Variants in PRDM16 observed in about 807,000 individuals in gnomAD.
The protein encoded by PRDM16 is histone-lysine N-methyltransferase PRDM16.
A neutral mutation model predicts 110.6 loss-of-function variants in PRDM16; 23 were observed. The observed-to-expected ratio is 0.21, with a 90% CI of 0.15 to 0.29. PRDM16 has a LOEUF of 0.29. Ranked by LOEUF, PRDM16 falls within the 10% of genes least tolerant of loss-of-function variation. The pLI is 1.00. For missense variants in PRDM16, 1,615 were observed against 1,794.3 expected, an observed-to-expected ratio of 0.90 and a Z score of 1.81; for synonymous variants, 799 against 781.8, an observed-to-expected ratio of 1.02 and a Z score of -0.37.
chr1:3,226,128 G>A (rs995216089), intron 2 of PRDM16, among the ~76,000 whole-genome samples: 2 of 152,246 alleles, frequency 1.3e-5, no homozygotes, highest in African/African-American at 2.4e-5. Context: ...AGCAGGTAAG[G>A]CTGGGAGCAG....
rs538715043 is a variant in PRDM16, at chr1:3,358,154, C to T, written c.439-26998C>T. On this transcript the variant is annotated intron_variant, in intron 3 of 16. Coordinates refer to ENST00000270722, the MANE Select transcript of PRDM16 (RefSeq NM_022114.4). The surrounding 1 kb of genome is among the most constrained non-coding windows in gnomAD (Gnocchi z 4.0). ...GCCATGACCCCCTTGCCCAGGGCAA[C>T]GTGGACCACACAGACACGGTGCAAT... 2.0e-5 allele frequency among the ~76,000 whole-genome samples: 3 copies of T among 152,340 alleles called. No homozygotes were observed. Among genetic ancestry groups the T allele is most frequent in the South Asian group, 2.1e-4 (1 of 4,822 alleles).
At chr1:3,431,862 C>T in intron 15 of PRDM16, 104 bp from the exon 16 acceptor site, 9 of 1,133,598 alleles carry the variant, frequency 7.9e-6, no homozygotes, top group Non-Finnish European at 1.2e-5. Flanking sequence ...GGCAGAGATG[C>T]AGCGGCGTGC....
intron 3 of PRDM16, among the ~76,000 whole-genome samples, chr1:3,281,631 G>A (rs1036330818): frequency 1.3e-5 from 2 of 152,212 alleles, no homozygotes; most frequent in Non-Finnish European, 2.9e-5. Context: ...GCTATGATCA[G>A]ACTGATGTTC....
chr1:3,147,785 G>T (rs1255627955), intron 1 of PRDM16, among the ~76,000 whole-genome samples: 1 of 152,170 alleles, frequency 6.6e-6, no homozygotes, highest in Non-Finnish European at 1.5e-5. Context: ...CTGTAAGCCT[G>T]GGGCTTGGGC....
intron 2 of PRDM16, among the ~76,000 whole-genome samples, chr1:3,193,060 C>A (rs549681840): frequency 6.6e-6 from 1 of 151,994 alleles, no homozygotes; most frequent in East Asian, 1.9e-4. Context: ...GCAGACACAG[C>A]GGCCAGATGG....
intron 2 of PRDM16, among the ~76,000 whole-genome samples, chr1:3,233,052 T>G (rs941654708): frequency 2.0e-5 from 3 of 152,218 alleles, no homozygotes; most frequent in African/African-American, 7.2e-5. Context: ...AGATAAAAGA[T>G]AAATGTTTGT....
chr1:3,344,311 C>CT (rs1272280903), intron 3 of PRDM16, among the ~76,000 whole-genome samples: 3 of 151,650 alleles, frequency 2.0e-5, no homozygotes, highest in Non-Finnish European at 2.9e-5. Context: ...AAGATCCCAT[C>CT]TAAAAAAAAA....
In PRDM16 at chr1:3,430,877, A is replaced by G. The variant is rs777907752; in HGVS notation, c.3290A>G (p.Asp1097Gly). The change falls in exon 15 of 17, where the codon GAC becomes GGC. Residue 1097 changes from aspartate (D) to glycine (G), a missense_variant. This residue lies in a region of PRDM16 where 327 missense variants were observed against 359.3 expected (regional missense o/e 0.91). Coordinates refer to ENST00000270722, the MANE Select transcript of PRDM16 (RefSeq NM_022114.4). ...CTCCTCCTGCATCATTTCAGGGCGG[A>G]CATGCAGATCGTGGACGGCAGTGCC... is the stretch of plus-strand genomic sequence containing the variant. ...QASTRTEKRA[D>G]MQIVDGSAQC... The G allele has an allele frequency of 9.3e-6, 15 of 1,613,948 alleles. No homozygotes were observed. In the East Asian group the frequency reaches 3.3e-4, roughly 36 times the overall value.
chr1:3,130,272 C>T (rs1416018945), intron 1 of PRDM16, among the ~76,000 whole-genome samples: 1 of 152,202 alleles, frequency 6.6e-6, no homozygotes, highest in African/African-American at 2.4e-5. Flanking sequence ...GCGATGTGGA[C>T]CGTGGGGTTC....
chr1:3,226,322 G>A (rs1639288196), intron 2 of PRDM16, among the ~76,000 whole-genome samples: 1 of 152,216 alleles, frequency 6.6e-6, no homozygotes, highest in African/African-American at 2.4e-5. Context: ...GGGTCATTCA[G>A]ACAGGACCTG....
chr1:3,079,338 C>G (rs1338906980), intron 1 of PRDM16, among the ~76,000 whole-genome samples: 1 of 152,052 alleles, frequency 6.6e-6, no homozygotes, highest in Non-Finnish European at 1.5e-5. Context: ...TGGCCCAGCC[C>G]CTGTGTGTGC....
At position 3,247,202 on chromosome 1, in the gene PRDM16, C is replaced by T. The variant is rs144112271; in HGVS notation, c.438+3065C>T. Reference sequence around the variant, plus strand: ...ACTCCTGTGTCTGGCTTCAGTTCATCCACCTCTGGGAGGATTACACTTCCT... The same window carrying T: ...ACTCCTGTGTCTGGCTTCAGTTCATTCACCTCTGGGAGGATTACACTTCCT... On this transcript the variant is annotated intron_variant, in intron 3 of 16. Transcript: ENST00000270722. 3.2e-4 allele frequency among the ~76,000 whole-genome samples: 48 copies of T among 152,280 alleles called. No individual in the cohort carries two copies. The East Asian group carries it at 9.3e-3, about 29-fold the overall frequency.
Position 3,438,467 on chromosome 1 carries a change from C to T in PRDM16, c.*4656C>T, listed in dbSNP as rs1175851359. 4.8e-6 allele frequency: 1 copy of T among 206,420 alleles called. No homozygotes were observed. Among genetic ancestry groups the T allele is most frequent in the East Asian group, 7.4e-5 (1 of 13,582 alleles). 12.8% of individuals were successfully genotyped at this position (206,420 alleles called of 1,614,324 possible). On this transcript the variant is annotated 3_prime_UTR_variant, in exon 17 of 17. Transcript: ENST00000270722. ...GATGCTTGTGATGAACACAAATGTA[C>T]TTGTGTAGAGACATTTCCTTAAGAG...
At chr1:3,321,994 G>A (rs1049226207) in intron 3 of PRDM16, among the ~76,000 whole-genome samples, 20 of 151,228 alleles carry the variant, frequency 1.3e-4, no homozygotes, top group African/African-American at 4.4e-4. Flanking sequence ...GTGCATGTGT[G>A]TGTGAGTGCG....
intron 4 of PRDM16, among the ~76,000 whole-genome samples, chr1:3,395,884 G>T (rs1204104804): frequency 6.6e-6 from 1 of 152,174 alleles, no homozygotes; most frequent in Non-Finnish European, 1.5e-5. Flanking sequence ...AGTTCTCAAG[G>T]GTGTCCTCCA....
chr1:3,115,838 C>A (rs944264979), intron 1 of PRDM16, among the ~76,000 whole-genome samples: 9 of 152,214 alleles, frequency 5.9e-5, no homozygotes, highest in African/African-American at 2.2e-4. Flanking sequence ...TCTGTTCTAC[C>A]TGGCTCTGCC....
intron 3 of PRDM16, among the ~76,000 whole-genome samples, 198 bp from the exon 4 acceptor site, chr1:3,384,944 GCTCCTGGAGA>G (rs919219161): frequency 1.3e-5 from 2 of 152,184 alleles, no homozygotes; most frequent in African/African-American, 2.4e-5. Context: ...TTTCTGCTGG[GCTCCTGGAGA>G]CTCCTGGAGA....
chr1:3,073,226 C>T (rs963458310), intron 1 of PRDM16, among the ~76,000 whole-genome samples: 14 of 152,342 alleles, frequency 9.2e-5, no homozygotes, highest in African/African-American at 1.9e-4. Flanking sequence ...CTCCCCCCAC[C>T]GGGCCCCTCA....
chr1:3,158,551 C>T (rs1426815203), intron 1 of PRDM16, among the ~76,000 whole-genome samples: 3 of 152,054 alleles, frequency 2.0e-5, no homozygotes, highest in Non-Finnish European at 4.4e-5. Context: ...GTTCTCATGG[C>T]GAGAAGGCAC....
Sources: gnomAD v4.1 joint callset for allele counts (sites outside exome capture counted in the v4.1 genomes callset) on GRCh38, gnomAD v4.1.1 for gene constraint, gnomAD v4.1.1 regional missense constraint, Gnocchi (gnomAD v3.1) non-coding constraint, MANE v1.5 for transcripts, NCBI Gene and HGNC (gene_info 2026-07-23, HGNC 2026-07-21) for gene names.